Variants in ALMS1 observed in about 807,000 individuals in gnomAD.
ALMS1 encodes centrosome-associated protein ALMS1.
Under a neutral mutation model 352.2 loss-of-function variants are expected in ALMS1, and 271 were observed. The ratio of observed to expected loss-of-function variants is 0.77; its 90% CI spans 0.70 to 0.85. ALMS1 has a LOEUF of 0.85. ALMS1 is among the 40% of genes least tolerant of loss of function. The probability of loss-of-function intolerance (pLI) is 0.00; values close to 1 mark genes in which losing one functional copy is unlikely to be tolerated. For synonymous variants in ALMS1, 1,865 were observed against 1,761.2 expected, an observed-to-expected ratio of 1.06 and a Z score of -1.48; for missense variants, 5,445 against 4,870.7, an observed-to-expected ratio of 1.12 and a Z score of -3.51.
intron 1 of ALMS1, among the ~76,000 whole-genome samples, chr2:73,402,083 TATTC>T (rs1484886016): frequency 2.0e-5 from 3 of 151,840 alleles, no homozygotes; most frequent in Admixed American, 2.0e-4. Flanking sequence ...TCTTGTAGTT[TATTC>T]ATTCATCAAT....
At chr2:73,576,008 T>C (rs535964547) in intron 16 of ALMS1, among the ~76,000 whole-genome samples, 2 of 152,336 alleles carry the variant, frequency 1.3e-5, no homozygotes, top group South Asian at 2.1e-4. Flanking sequence ...TGGTGTAAGA[T>C]AAGGGTCCAC....
At chr2:73,440,581 G>A (rs1213075277) in intron 7 of ALMS1, among the ~76,000 whole-genome samples, 3 of 150,784 alleles carry the variant, frequency 2.0e-5, no homozygotes, top group East Asian at 2.0e-4. Context: ...GTGCTACCAC[G>A]CCCAGCTAAT....
At chr2:73,429,847 G>A (rs958984968) in intron 6 of ALMS1, among the ~76,000 whole-genome samples, 1 of 152,042 alleles carries the variant, frequency 6.6e-6, no homozygotes, top group African/African-American at 2.4e-5. Flanking sequence ...CCTAAAATTA[G>A]ACTGACTTGT....
intron 12 of ALMS1, among the ~76,000 whole-genome samples, chr2:73,545,853 A>G (rs1364342912): frequency 6.6e-6 from 1 of 152,254 alleles, no homozygotes; most frequent in Non-Finnish European, 1.5e-5. Context: ...CTACGGAAGA[A>G]TATGTAATGA....
chr2:73,555,227 A>T (rs751246138), intron 13 of ALMS1, among the ~76,000 whole-genome samples: 2 of 152,246 alleles, frequency 1.3e-5, no homozygotes, highest in Non-Finnish European at 2.9e-5. Flanking sequence ...GACTTATTAC[A>T]TGTGTAGCTT....
chr2:73,529,867 A>T (rs772960770), intron 11 of ALMS1, among the ~76,000 whole-genome samples: 1 of 152,190 alleles, frequency 6.6e-6, no homozygotes, highest in Non-Finnish European at 1.5e-5. Flanking sequence ...TGGGGGCAGG[A>T]GAGAGTGAGA....
At chr2:73,386,398 C>G (rs956462305) in intron 1 of ALMS1, among the ~76,000 whole-genome samples, 1 of 152,174 alleles carries the variant, frequency 6.6e-6, no homozygotes, top group Non-Finnish European at 1.5e-5. Context: ...TCGTTTCCTC[C>G]CCCTCGGTGG....
chr2:73,513,794 C>T (rs1455617319), intron 10 of ALMS1, among the ~76,000 whole-genome samples: 1 of 152,128 alleles, frequency 6.6e-6, no homozygotes, highest in East Asian at 1.9e-4. Context: ...CACTAAGCCA[C>T]ACGTCTGCAG....
rs1445910410 is a variant in ALMS1, at chr2:73,609,762, T to C, written c.*150T>C. On this transcript the variant is annotated 3_prime_UTR_variant, in exon 23 of 23. Coordinates refer to ENST00000613296, the MANE Select transcript of ALMS1 (RefSeq NM_001378454.1). ...AACTTCTAAAGAGTCTGGAACAAAG[T>C]GGTGATTAAAATTCCTAATGGTTTG... 2.5e-6 allele frequency: 2 copies of C among 795,816 alleles called. No individual in the cohort carries two copies. The highest frequency in any genetic ancestry group is 3.5e-5 in the African/African-American group (2 of 57,436). The allele number at this position is 795,816 out of a possible 1,614,324, so 49.3% of individuals were successfully genotyped here.
chr2:73,512,692 T>C (rs1673477062), intron 10 of ALMS1, among the ~76,000 whole-genome samples: 1 of 152,210 alleles, frequency 6.6e-6, no homozygotes, highest in Non-Finnish European at 1.5e-5. Context: ...TAATTTGTTT[T>C]GATGCTCAAA....
intron 11 of ALMS1, among the ~76,000 whole-genome samples, chr2:73,523,578 C>G (rs923635334): frequency 1.3e-5 from 2 of 152,092 alleles, no homozygotes; most frequent in African/African-American, 2.4e-5. Flanking sequence ...ACCAGCCTGG[C>G]CAACATAGTG....
chr2:73,573,722 T>C, intron 16 of ALMS1: 2 of 573,846 alleles, frequency 3.5e-6, no homozygotes, highest in South Asian at 4.5e-5. Flanking sequence ...ATCTCTATCC[T>C]GAACAATATT....
chr2:73,547,991 T>A (rs879941022), intron 12 of ALMS1, among the ~76,000 whole-genome samples: 1 of 152,068 alleles, frequency 6.6e-6, no homozygotes, highest in East Asian at 1.9e-4. Context: ...GAAAAAAATG[T>A]CTGGCGTGAG....
In ALMS1 at chr2:73,453,228, A is replaced by C; in HGVS notation, c.6701A>C (p.Asn2234Thr). The change falls in exon 8 of 23, where the codon AAT becomes ACT. Residue 2234 changes from asparagine (N) to threonine (T), a missense_variant. Physicochemically the swap from Asn to Thr is moderately conservative, Grantham distance 65. Transcript: ENST00000613296. ...CAGGCTGATGACAGAGTTGTAATAA[A>C]TAAACCAGAATCTGCAGGTTTTAGA... is the stretch of plus-strand genomic sequence containing the variant. ...NSQADDRVVI[N>T]KPESAGFRDV... 6.2e-7 allele frequency: 1 copy of C among 1,614,064 alleles called. No individual in the cohort carries two copies. The highest frequency in any genetic ancestry group is 2.2e-5 in the East Asian group (1 of 44,866).
At chr2:73,540,729 T>C (rs950076849) in intron 12 of ALMS1, among the ~76,000 whole-genome samples, 1 of 152,094 alleles carries the variant, frequency 6.6e-6, no homozygotes, top group Non-Finnish European at 1.5e-5. Context: ...CAATCCTAGT[T>C]TCTGATAAAA....
chr2:73,547,491 G>C (rs908117985), intron 12 of ALMS1, among the ~76,000 whole-genome samples: 2 of 152,102 alleles, frequency 1.3e-5, no homozygotes, highest in African/African-American at 2.4e-5. Flanking sequence ...CAGTTGGATT[G>C]TATGGCATTT....
At chr2:73,527,870 T>G (rs957478431) in intron 11 of ALMS1, among the ~76,000 whole-genome samples, 1 of 152,122 alleles carries the variant, frequency 6.6e-6, no homozygotes, top group Admixed American at 6.6e-5. Context: ...TATGTTTTTT[T>G]AATGTAGGTG....
Position 73,448,598 on chromosome 2 carries a change from C to G in ALMS1, c.2071C>G (p.Gln691Glu), listed in dbSNP as rs752875933. 2 of 1,613,348 alleles carry G rather than the reference C, an allele frequency of 1.2e-6. No homozygotes were observed. The highest frequency in any genetic ancestry group is 2.2e-5 in the South Asian group (2 of 91,026). The change falls in exon 8 of 23, where the codon CAG becomes GAG. Residue 691 changes from glutamine to glutamate, a missense_variant. Transcript: ENST00000613296. ...CTTGCCAGATGGTCATCTAACTGAT[C>G]AGGCTCTGAAAGTCTCAGCTGTGTC... ...QTLPDGHLTDQALKVSAVSGP... is the reference protein window; with the variant it reads ...QTLPDGHLTDEALKVSAVSGP...
chr2:73,608,201 T>C (rs1451409528), intron 21 of ALMS1, among the ~76,000 whole-genome samples: 2 of 151,274 alleles, frequency 1.3e-5, no homozygotes, highest in African/African-American at 4.8e-5. Context: ...CTCTCCTTCA[T>C]TTATCTCACT....
Sources: allele counts gnomAD v4.1 joint callset (sites outside exome capture counted in the v4.1 genomes callset), GRCh38; gene constraint gnomAD v4.1.1; transcripts MANE v1.5; gene names NCBI Gene and HGNC (gene_info 2026-07-23, HGNC 2026-07-21).